Variants in GFRA2 observed in about 807,000 individuals in gnomAD.
GFRA2 encodes GDNF family receptor alpha 2, also known as GDNF family receptor alpha-2.
Under a neutral mutation model 48.3 loss-of-function variants are expected in GFRA2, and 17 were observed. That is an observed-to-expected ratio of 0.35 (90% CI 0.24 to 0.53). The LOEUF (loss-of-function observed/expected upper bound fraction) is 0.53. Ranked by LOEUF, GFRA2 falls within the 20% of genes least tolerant of loss-of-function variation. The probability of loss-of-function intolerance (pLI) is 0.93; values close to 1 mark genes in which losing one functional copy is unlikely to be tolerated. For synonymous variants in GFRA2, 305 were observed against 257.2 expected (o/e 1.19, Z -1.78); for missense variants, 660 against 637.3 (o/e 1.04, Z -0.38).
At chr8:21,810,728 G>GA (rs924542186) in intron 1 of GFRA2, among the ~76,000 whole-genome samples, 1 of 151,944 alleles carries the variant, frequency 6.6e-6, no homozygotes, top group Non-Finnish European at 1.5e-5. Flanking sequence ...GGACTCTATG[G>GA]AAAAAAAAGG....
intron 1 of GFRA2, among the ~76,000 whole-genome samples, chr8:21,809,354 T>G (rs1807933349): frequency 6.6e-6 from 1 of 152,214 alleles, no homozygotes. Flanking sequence ...AAACGGAGTC[T>G]CGCTCAGTCG....
At chr8:21,760,883 G>T (rs541816886) in intron 3 of GFRA2, among the ~76,000 whole-genome samples, 5 of 152,284 alleles carry the variant, frequency 3.3e-5, no homozygotes, top group African/African-American at 1.2e-4. Flanking sequence ...TTTCACGGAA[G>T]GCAAGAGTTT....
At chr8:21,774,158 C>G (rs1806572987) in intron 3 of GFRA2, among the ~76,000 whole-genome samples, 1 of 151,804 alleles carries the variant, frequency 6.6e-6, no homozygotes, top group African/African-American at 2.4e-5. Context: ...ACCCCCCACC[C>G]CCACAGAGCA....
At chr8:21,704,401 G>A (rs1037206051) in intron 6 of GFRA2, among the ~76,000 whole-genome samples, 3 of 152,144 alleles carry the variant, frequency 2.0e-5, no homozygotes, top group African/African-American at 7.2e-5. Flanking sequence ...GCACCTCCTC[G>A]ATGACTTGGA....
intron 7 of GFRA2, among the ~76,000 whole-genome samples, chr8:21,699,217 C>T (rs531372531): frequency 2.0e-5 from 3 of 152,338 alleles, no homozygotes; most frequent in African/African-American, 4.8e-5. Context: ...CAGTCCCATG[C>T]TCTGAGGTCC....
chr8:21,772,945 T>G (rs1180438046), intron 3 of GFRA2, among the ~76,000 whole-genome samples: 1 of 152,220 alleles, frequency 6.6e-6, no homozygotes, highest in East Asian at 1.9e-4. Flanking sequence ...GTGTCACCTG[T>G]GCACGCAGTA....
intron 5 of GFRA2, among the ~76,000 whole-genome samples, chr8:21,705,474 G>A (rs1276558964): frequency 3.9e-5 from 6 of 152,102 alleles, no homozygotes; most frequent in Non-Finnish European, 7.3e-5. Flanking sequence ...CTCACATCCT[G>A]GGATCAGACC....
intron 3 of GFRA2, among the ~76,000 whole-genome samples, chr8:21,770,500 C>T (rs1420524829): frequency 1.3e-5 from 2 of 152,212 alleles, no homozygotes; most frequent in Non-Finnish European, 2.9e-5. Context: ...AACATGTGTG[C>T]CTTCCCTCTG....
chr8:21,711,213 G>A (rs1301203051), intron 4 of GFRA2, among the ~76,000 whole-genome samples: 1 of 152,256 alleles, frequency 6.6e-6, no homozygotes, highest in Non-Finnish European at 1.5e-5. Context: ...TCTTGCTGCT[G>A]AGAACAGACT....
chr8:21,722,893 A>G (rs540534260), intron 4 of GFRA2, among the ~76,000 whole-genome samples: 12 of 152,296 alleles, frequency 7.9e-5, no homozygotes, highest in Non-Finnish European at 1.8e-4. Context: ...GGTTACACAG[A>G]GCTACAGTCT....
chr8:21,706,053 T>C lies in GFRA2; in HGVS notation c.795-12A>G, dbSNP rs1338032954. 2.6e-6 allele frequency: 4 copies of C among 1,532,432 alleles called. No homozygotes were observed. The South Asian group carries it at 4.8e-5, about 18-fold the overall frequency. The allele number at this position is 1,532,432 out of a possible 1,614,324, so 94.9% of individuals were successfully genotyped here. A position where few individuals can be genotyped will look rare whatever the true frequency, so the allele number is the denominator to read the frequency against. On this transcript the variant is annotated splice_polypyrimidine_tract_variant and intron_variant, in intron 4 of 8. Coordinates refer to ENST00000524240, the MANE Select transcript of GFRA2 (RefSeq NM_001495.5). ...CGGCCAGCCGGGACCTGGTGGTGGG[T>C]AGAAGACGCAATAGAGAAAACAGGG...
chr8:21,780,273 G>T (rs1394871795), intron 2 of GFRA2, among the ~76,000 whole-genome samples: 1 of 151,964 alleles, frequency 6.6e-6, no homozygotes, highest in Non-Finnish European at 1.5e-5. Context: ...GGCTAATCCA[G>T]TGTGTCACCC....
chr8:21,786,548 G>A (rs1201341865), intron 1 of GFRA2, among the ~76,000 whole-genome samples: 1 of 152,196 alleles, frequency 6.6e-6, no homozygotes, highest in Admixed American at 6.5e-5. Context: ...CACTTGCCAG[G>A]GTTGACAGGA....
At chr8:21,808,205 A>C (rs2117121861) in intron 1 of GFRA2, among the ~76,000 whole-genome samples, 1 of 152,230 alleles carries the variant, frequency 6.6e-6, no homozygotes, top group East Asian at 1.9e-4. Context: ...CTGAGTTCCT[A>C]GTCCTGCACA....
intron 4 of GFRA2, among the ~76,000 whole-genome samples, chr8:21,709,140 C>A (rs529962406): frequency 6.6e-6 from 1 of 152,316 alleles, no homozygotes; most frequent in Non-Finnish European, 1.5e-5. Context: ...CCTCTCCCCA[C>A]CAAAGGGCAT....
intron 3 of GFRA2, among the ~76,000 whole-genome samples, chr8:21,757,557 G>C (rs1288362312): frequency 6.9e-6 from 1 of 145,568 alleles, no homozygotes; most frequent in Non-Finnish European, 1.5e-5. Flanking sequence ...GCAGTGGCAT[G>C]ATCTCGGCTC....
intron 4 of GFRA2, among the ~76,000 whole-genome samples, chr8:21,724,257 A>C (rs1464079632): frequency 6.6e-6 from 1 of 151,534 alleles, no homozygotes; most frequent in African/African-American, 2.4e-5. Context: ...TTGGTGTTCC[A>C]TCTCGTTGCC....
intron 1 of GFRA2, among the ~76,000 whole-genome samples, chr8:21,809,089 T>G (rs370068259): frequency 6.6e-6 from 1 of 152,054 alleles, no homozygotes; most frequent in South Asian, 2.1e-4. Context: ...ATTTAGCAGA[T>G]GGGTAAAGCA....
chr8:21,767,403 C>T (rs1010517226), intron 3 of GFRA2, among the ~76,000 whole-genome samples: 16 of 152,224 alleles, frequency 1.1e-4, no homozygotes, highest in Non-Finnish European at 2.4e-4. Flanking sequence ...CACGTGTTCC[C>T]GTCACACAAT....
Sources: allele counts gnomAD v4.1 joint callset (sites outside exome capture counted in the v4.1 genomes callset), GRCh38; gene constraint gnomAD v4.1.1; transcripts MANE v1.5; gene names NCBI Gene and HGNC (gene_info 2026-07-23, HGNC 2026-07-21).